ST6GALNAC3: variants seen among roughly 807,000 people sequenced by gnomAD.
ST6GALNAC3 encodes the protein ST6 N-acetylgalactosaminide alpha-2,6-sialyltransferase 3, also known as alpha-N-acetylgalactosaminide alpha-2,6-sialyltransferase 3.
ST6GALNAC3 carries 25 observed loss-of-function variants against 32.7 expected under a neutral mutation model. That is an observed-to-expected ratio of 0.76 (90% CI 0.56 to 1.07). The LOEUF (loss-of-function observed/expected upper bound fraction) is 1.07. Among genes scored for constraint, ST6GALNAC3 ranks in the 50% least tolerant of loss-of-function variants. The pLI, the probability that ST6GALNAC3 is intolerant of heterozygous loss-of-function variation, is 0.00. For missense variants in ST6GALNAC3, 355 were observed against 382.4 expected, an observed-to-expected ratio of 0.93 and a Z score of 0.60; for synonymous variants, 129 against 133.1, an observed-to-expected ratio of 0.97 and a Z score of 0.21.
chr1:76,463,081 C>T (rs1658391500), intron 3 of ST6GALNAC3, among the ~76,000 whole-genome samples: 1 of 152,008 alleles, frequency 6.6e-6, no homozygotes, highest in African/African-American at 2.4e-5. Flanking sequence ...AATTTAATCC[C>T]AGTGCAATTA....
chr1:76,247,942 C>T (rs1322656352), intron 1 of ST6GALNAC3, among the ~76,000 whole-genome samples: 1 of 151,752 alleles, frequency 6.6e-6, no homozygotes, highest in African/African-American at 2.4e-5. Flanking sequence ...AAACCCAGGG[C>T]CCTGGTGGTG....
At chr1:76,319,759 A>C (rs1033621344) in intron 2 of ST6GALNAC3, among the ~76,000 whole-genome samples, 14 of 152,202 alleles carry the variant, frequency 9.2e-5, no homozygotes, top group Non-Finnish European at 1.9e-4. Flanking sequence ...AATGTTATAG[A>C]AAAGGAAACA....
intron 3 of ST6GALNAC3, among the ~76,000 whole-genome samples, chr1:76,441,843 T>C (rs1319858353): frequency 6.6e-6 from 1 of 152,164 alleles, no homozygotes; most frequent in Non-Finnish European, 1.5e-5. Context: ...GCAGCAAATC[T>C]GGTTCTTTCT....
chr1:76,585,855 G>A (rs1163840710), intron 3 of ST6GALNAC3, among the ~76,000 whole-genome samples: 1 of 152,032 alleles, frequency 6.6e-6, no homozygotes, highest in Non-Finnish European at 1.5e-5. Context: ...TTTAGATTAT[G>A]CATCTCAAAG....
chr1:76,519,625 T>C (rs543226997), intron 3 of ST6GALNAC3, among the ~76,000 whole-genome samples: 1 of 152,274 alleles, frequency 6.6e-6, no homozygotes, highest in East Asian at 1.9e-4. Flanking sequence ...TTCATTAATC[T>C]TTGTGGATAT....
At chr1:76,382,409 C>T (rs1474861103) in intron 2 of ST6GALNAC3, among the ~76,000 whole-genome samples, 1 of 151,994 alleles carries the variant, frequency 6.6e-6, no homozygotes, top group Non-Finnish European at 1.5e-5. Flanking sequence ...GACAAGAATA[C>T]AGGGGAAATT....
In ST6GALNAC3 at chr1:76,313,947, A is replaced by G. The variant is rs1156434520; in HGVS notation, c.161A>G (p.Tyr54Cys). Reference protein sequence around the residue: ...GTKWIPFSYTYRRPLRTHYGY... With the variant: ...GTKWIPFSYTCRRPLRTHYGY... Reference sequence around the variant, plus strand: ...AAGTGGATACCATTCTCCTACACATACAGGCGGCCCCTTCGAACTCACTAT... The same window carrying G: ...AAGTGGATACCATTCTCCTACACATGCAGGCGGCCCCTTCGAACTCACTAT... The change falls in exon 2 of 5, where the codon TAC becomes TGC. Residue 54 changes from tyrosine to cysteine, a missense_variant. Transcript: ENST00000328299. 7 of 1,613,480 alleles carry G rather than the reference A, an allele frequency of 4.3e-6. No individual in the cohort carries two copies. Among genetic ancestry groups the G allele is most frequent in the Non-Finnish European group, 5.1e-6 (6 of 1,179,608 alleles).
chr1:76,310,154 ATTT>A (rs1487344798), intron 1 of ST6GALNAC3, among the ~76,000 whole-genome samples: 2 of 152,100 alleles, frequency 1.3e-5, no homozygotes, highest in Non-Finnish European at 2.9e-5. Flanking sequence ...GCAAGCTGCT[ATTT>A]TGCAACAAGC....
At chr1:76,244,022 A>G (rs548648524) in intron 1 of ST6GALNAC3, among the ~76,000 whole-genome samples, 2 of 152,164 alleles carry the variant, frequency 1.3e-5, no homozygotes, top group Non-Finnish European at 2.9e-5. Context: ...CATTGAATCT[A>G]TAAATTACTT....
chr1:76,421,258 T>G (rs1343181696), intron 3 of ST6GALNAC3, among the ~76,000 whole-genome samples: 2 of 152,090 alleles, frequency 1.3e-5, no homozygotes, highest in Non-Finnish European at 2.9e-5. Context: ...GATAGAAAAG[T>G]TTCCACAGTT....
At chr1:76,477,503 C>A (rs962979364) in intron 3 of ST6GALNAC3, among the ~76,000 whole-genome samples, 1 of 152,140 alleles carries the variant, frequency 6.6e-6, no homozygotes, top group Non-Finnish European at 1.5e-5. Flanking sequence ...CTCCCATCAC[C>A]CTAAGCCTGC....
chr1:76,631,675 T>G lies in ST6GALNAC3; in HGVS notation c.*2869T>G, dbSNP rs1649306326. 1 of 152,070 alleles carries G rather than the reference T, an allele frequency of 6.6e-6. No individual in the cohort carries two copies. The highest frequency in any genetic ancestry group is 1.5e-5 in the Non-Finnish European group (1 of 67,964). 9.4% of individuals were successfully genotyped at this position (152,070 alleles called of 1,614,324 possible). ...CACTGATGTGTATTTATCCCAGAAA[T>G]TAATTAATATCTGTGAAAAATAAAA... On this transcript the variant is annotated 3_prime_UTR_variant, in exon 5 of 5. Coordinates refer to ENST00000328299, the MANE Select transcript of ST6GALNAC3 (RefSeq NM_152996.4).
intron 3 of ST6GALNAC3, among the ~76,000 whole-genome samples, chr1:76,556,428 C>T (rs1476865284): frequency 2.0e-5 from 3 of 151,910 alleles, no homozygotes; most frequent in Admixed American, 2.0e-4. Flanking sequence ...CTTATACTAA[C>T]TCTATGTTCA....
intron 1 of ST6GALNAC3, among the ~76,000 whole-genome samples, chr1:76,248,542 T>G (rs569887368): frequency 6.6e-6 from 1 of 152,290 alleles, no homozygotes; most frequent in East Asian, 1.9e-4. Context: ...CCCCTTAGAT[T>G]CTAAAGGAAA....
At chr1:76,596,668 C>T (rs1000153364) in intron 3 of ST6GALNAC3, among the ~76,000 whole-genome samples, 2 of 152,126 alleles carry the variant, frequency 1.3e-5, no homozygotes, top group African/African-American at 4.8e-5. Context: ...GGATTGCTAA[C>T]AAGTGAATGG....
chr1:76,332,323 C>T (rs1468613474), intron 2 of ST6GALNAC3, among the ~76,000 whole-genome samples: 2 of 152,142 alleles, frequency 1.3e-5, no homozygotes, highest in African/African-American at 4.8e-5. Flanking sequence ...ATGCCATGTA[C>T]TTTCTTTTTC....
intron 3 of ST6GALNAC3, among the ~76,000 whole-genome samples, chr1:76,446,029 C>G (rs2101531486): frequency 6.6e-6 from 1 of 152,234 alleles, no homozygotes; most frequent in African/African-American, 2.4e-5. Flanking sequence ...CCCAATATAG[C>G]TTTATCAAAT....
rs1338926398 is a variant in ST6GALNAC3, at chr1:76,629,785, T to C, written c.*979T>C. On this transcript the variant is annotated 3_prime_UTR_variant, in exon 5 of 5. Transcript: ENST00000328299. ...ACATCAATTTGTATCCTATCATACT[T>C]CATAATATATATTTGTATATTCAAA... 2 of 971,546 alleles carry C rather than the reference T, an allele frequency of 2.1e-6. No individual in the cohort carries two copies. The highest frequency in any genetic ancestry group is 2.3e-4 in the East Asian group (2 of 8,764). 60.2% of individuals were successfully genotyped at this position (971,546 alleles called of 1,614,324 possible). A position where few individuals can be genotyped will look rare whatever the true frequency, so the allele number is the denominator to read the frequency against.
At chr1:76,581,668 A>T (rs1330210879) in intron 3 of ST6GALNAC3, among the ~76,000 whole-genome samples, 2 of 152,182 alleles carry the variant, frequency 1.3e-5, no homozygotes, top group Non-Finnish European at 2.9e-5. Flanking sequence ...GTGGGTCAAA[A>T]ATACTTGAAC....
Sources: allele counts gnomAD v4.1 joint callset (sites outside exome capture counted in the v4.1 genomes callset), GRCh38; gene constraint gnomAD v4.1.1; transcripts MANE v1.5; gene names NCBI Gene and HGNC (gene_info 2026-07-23, HGNC 2026-07-21).